STX5: variants seen among roughly 807,000 people sequenced by gnomAD.
STX5 encodes the protein syntaxin 5.
Under a neutral mutation model 42.9 loss-of-function variants are expected in STX5, and 15 were observed. The ratio of observed to expected loss-of-function variants is 0.35; its 90% CI spans 0.23 to 0.54. The LOEUF (loss-of-function observed/expected upper bound fraction) is 0.54, where lower values mean the gene tolerates loss of function less well. Among genes scored for constraint, STX5 ranks in the 20% least tolerant of loss-of-function variants. The pLI is 0.91. For missense variants in STX5, 430 were observed against 455.0 expected (o/e 0.95, Z 0.50); for synonymous variants, 184 against 173.2 (o/e 1.06, Z -0.49).
rs1243251081 is a variant in STX5 at position 62,821,306 on chromosome 11, C to CA, written c.908+2859dup. Among the ~76,000 whole-genome samples the CA allele has an allele frequency of 1.6e-3, 236 of 150,538 alleles. 1 individual carries two copies. Among genetic ancestry groups the CA allele is most frequent in the African/African-American group, 5.3e-3 (217 of 40,878 alleles). On this transcript the variant is annotated intron_variant, in intron 10 of 10. Transcript: ENST00000294179. ...CTGGCAACAGAGCGAAACTCCATTT[C>CA]AAAAAAAAGAAAAACCTGTCAAAAT... is the stretch of plus-strand genomic sequence containing the variant.
chr11:62,824,480 C>G lies in STX5; in HGVS notation c.765G>C (p.Gln255His). 6.2e-7 allele frequency: 1 copy of G among 1,614,200 alleles called. No individual in the cohort carries two copies. The highest frequency in any genetic ancestry group is 8.5e-7 in the Non-Finnish European group (1 of 1,180,040). The change falls in exon 9 of 11, where the codon CAG (glutamine) becomes CAC (histidine). Residue 255 changes from glutamine (Q) to histidine (H), a missense_variant. Gln to His is a conservative substitution (Grantham distance 24). Coordinates refer to ENST00000294179, the MANE Select transcript of STX5 (RefSeq NM_003164.5). ...GTACCTGCTCGTCAATGAGCTGCAG[C>G]TGCTGGCTGGTCCGAGAGTCCATCA... ...IDMMDSRTSQQLQLIDEQDSY... is the reference protein window; with the variant it reads ...IDMMDSRTSQHLQLIDEQDSY...
intron 2 of STX5, chr11:62,830,471 T>G (rs1440177791): frequency 1.1e-5 from 5 of 452,838 alleles, no homozygotes; most frequent in Admixed American, 9.5e-5. Flanking sequence ...CCCTTGAGTC[T>G]AGGAGTTCAA....
At chr11:62,826,221 C>T (rs1373123335) in intron 5 of STX5, among the ~76,000 whole-genome samples, 1 of 151,828 alleles carries the variant, frequency 6.6e-6, no homozygotes, top group Admixed American at 6.6e-5. Flanking sequence ...CGCCACTGCA[C>T]TCCAGCCTGG....
At chr11:62,816,748 A>G (rs2084677711) in intron 10 of STX5, among the ~76,000 whole-genome samples, 1 of 8,380 alleles carries the variant, frequency 1.2e-4, no homozygotes, top group African/African-American at 5.3e-4. Flanking sequence ...AAAAAGAAGA[A>G]TTAGCTGGGT....
At chr11:62,829,469 T>C (rs2084832233) in intron 2 of STX5, among the ~76,000 whole-genome samples, 1 of 150,760 alleles carries the variant, frequency 6.6e-6, no homozygotes, top group African/African-American at 2.4e-5. Flanking sequence ...ACTCCCAAAT[T>C]TTTTTTAAGA....
At chr11:62,831,847 T>G in intron 1 of STX5, 107 bp downstream of exon 1, 1 of 453,774 alleles carries the variant, frequency 2.2e-6, no homozygotes, top group Non-Finnish European at 4.4e-6. Flanking sequence ...CCGGCAGGAC[T>G]TGCCCGCTCG....
intron 10 of STX5, among the ~76,000 whole-genome samples, chr11:62,821,636 A>G (rs2084741280): frequency 6.6e-6 from 1 of 152,106 alleles, no homozygotes; most frequent in East Asian, 1.9e-4. Flanking sequence ...AGGCAGGAGA[A>G]TTGCTTGAAC....
At chr11:62,819,421 G>C (rs7948536) in intron 10 of STX5, among the ~76,000 whole-genome samples, 62,550 of 151,288 alleles carry the variant, frequency 0.41, 15,487 homozygotes, top group Non-Finnish European at 0.57. Flanking sequence ...GGAAAACTTA[G>C]ATCTATTCAA....
At chr11:62,816,722 GAAA>G (rs71056565) in intron 10 of STX5, among the ~76,000 whole-genome samples, 1 of 90,176 alleles carries the variant, frequency 1.1e-5, no homozygotes, top group Non-Finnish European at 2.1e-5. Flanking sequence ...CGCCTTTACT[GAAA>G]AAAAAAAAAA....
intron 10 of STX5, among the ~76,000 whole-genome samples, chr11:62,810,058 C>T (rs1356004407): frequency 3.4e-5 from 5 of 145,310 alleles, no homozygotes; most frequent in African/African-American, 1.3e-4. Context: ...GCTGAGATCT[C>T]GCACCACTGC....
chr11:62,813,119 C>T (rs963535020), intron 10 of STX5, among the ~76,000 whole-genome samples: 4 of 146,922 alleles, frequency 2.7e-5, no homozygotes, highest in Non-Finnish European at 6.0e-5. Context: ...AAAAATCAGT[C>T]AATTATTAGC....
chr11:62,815,566 T>C (rs1033941972), intron 10 of STX5, among the ~76,000 whole-genome samples: 35 of 150,872 alleles, frequency 2.3e-4, no homozygotes, highest in African/African-American at 8.1e-4. Context: ...AGACAGAGTC[T>C]CGCTCTGTCG....
chr11:62,815,559 C>G (rs1405757817), intron 10 of STX5, among the ~76,000 whole-genome samples: 1 of 148,218 alleles, frequency 6.7e-6, no homozygotes, highest in Non-Finnish European at 1.5e-5. Flanking sequence ...TTTTTTGAGA[C>G]AGAGTCTCGC....
intron 10 of STX5, among the ~76,000 whole-genome samples, chr11:62,815,568 G>A (rs913681540): frequency 4.0e-5 from 6 of 149,340 alleles, no homozygotes; most frequent in Admixed American, 1.3e-4. Context: ...ACAGAGTCTC[G>A]CTCTGTCGCC....
chr11:62,824,095 T>C, intron 10 of STX5, 71 bp downstream of exon 10: 2 of 1,608,936 alleles, frequency 1.2e-6, no homozygotes, highest in African/African-American at 1.3e-5. Flanking sequence ...AAGCAGTCCC[T>C]GGGGACTTTA....
intron 10 of STX5, among the ~76,000 whole-genome samples, chr11:62,818,554 A>C (rs1313202375): frequency 2.3e-5 from 3 of 133,146 alleles, no homozygotes; most frequent in South Asian, 4.7e-4. Flanking sequence ...AAGAGCAAAA[A>C]CTCTGTCTCA....
At position 62,832,013 on chromosome 11, in the gene STX5, T is replaced by C. The variant is rs904996343; in HGVS notation, c.-79A>G. 4.7e-5 allele frequency: 22 copies of C among 471,844 alleles called. No homozygotes were observed. The highest frequency in any genetic ancestry group is 4.4e-4 in the Admixed American group (19 of 42,944). 29.2% of individuals were successfully genotyped at this position (471,844 alleles called of 1,614,324 possible). ...AATCTCACCGGCCGTCACTGCCTCC[T>C]CCCCGAGCACTGAAGCCGCCGAAAC... is the stretch of plus-strand genomic sequence containing the variant. On this transcript the variant is annotated 5_prime_UTR_variant, in exon 1 of 11. Transcript: ENST00000294179.
At chr11:62,828,742 TAAATAAAC>T (rs1381613981) in intron 2 of STX5, among the ~76,000 whole-genome samples, 1 of 128,004 alleles carries the variant, frequency 7.8e-6, no homozygotes, top group Non-Finnish European at 1.6e-5. Flanking sequence ...AATAAATAAA[TAAATAAAC>T]AAACAAACAA....
At position 62,807,489 on chromosome 11, in the gene STX5, A is replaced by T. The variant is rs2084564795; in HGVS notation, c.1048T>A (p.Phe350Ile). ...AGGGTTCAAGCAAGGAAGACCACAA[A>T]GATGATGAAGAAGACAATGAGGATG... ...FLILIVFFII[F>I]VVFLA is the part of the protein sequence containing the mutation. The change falls in exon 11 of 11, where the codon TTT (phenylalanine) becomes ATT (isoleucine). Residue 350 changes from phenylalanine to isoleucine, a missense_variant. Physicochemically the swap from Phe to Ile is conservative, Grantham distance 21. Coordinates refer to ENST00000294179, the MANE Select transcript of STX5 (RefSeq NM_003164.5). The T allele has an allele frequency of 6.2e-7, 1 of 1,613,952 alleles. No homozygotes were observed. Among genetic ancestry groups the T allele is most frequent in the Admixed American group, 1.7e-5 (1 of 59,982 alleles).
Sources: gnomAD v4.1 joint callset for allele counts (sites outside exome capture counted in the v4.1 genomes callset) on GRCh38, gnomAD v4.1.1 for gene constraint, MANE v1.5 for transcripts, NCBI Gene and HGNC (gene_info 2026-07-23, HGNC 2026-07-21) for gene names.